The following ZNF536 variants were observed in gnomAD, a reference collection of about 807,000 sequenced individuals.
ZNF536 encodes zinc finger protein 536.
A neutral mutation model predicts 84.5 loss-of-function variants in ZNF536; 13 were observed. That is an observed-to-expected ratio of 0.15 (90% CI 0.10 to 0.24). The LOEUF (loss-of-function observed/expected upper bound fraction) is 0.24. Ranked by LOEUF, ZNF536 falls within the 10% of genes least tolerant of loss-of-function variation. The pLI is 1.00. For synonymous variants in ZNF536, 811 were observed against 742.5 expected (o/e 1.09, Z -1.50); for missense variants, 1,536 against 1,747.5 (o/e 0.88, Z 2.16).
At chr19:30,325,934 G>T (rs544841751) in intron 2 of ZNF536, among the ~76,000 whole-genome samples, 1 of 152,154 alleles carries the variant, frequency 6.6e-6, no homozygotes. Flanking sequence ...CTACTGTGGA[G>T]CCCCTCCCAC....
intron 2 of ZNF536, among the ~76,000 whole-genome samples, chr19:30,452,613 C>T (rs1373749766): frequency 6.6e-6 from 1 of 152,172 alleles, no homozygotes; most frequent in African/African-American, 2.4e-5. Context: ...GTGCAGGGAG[C>T]ATTTGGAAGC....
chr19:30,268,048 C>CCTCCCTTTCTCTCCCCCTGCCTCA (rs1159992126), intron 1 of ZNF536, among the ~76,000 whole-genome samples: 12 of 139,170 alleles, frequency 8.6e-5, no homozygotes, highest in Non-Finnish European at 1.6e-4. Context: ...CCCCCGCCTC[C>CCTCCCTTTCTCTCCCCCTGCCTCA]CTCCCTTTCT....
chr19:30,319,670 A>T (rs769400181), intron 2 of ZNF536, among the ~76,000 whole-genome samples: 1 of 152,252 alleles, frequency 6.6e-6, no homozygotes, highest in Non-Finnish European at 1.5e-5. Context: ...TGTAAATGTT[A>T]CAATCTGTAA....
rs750520715 is a variant in ZNF536, at chr19:30,549,491, G to A, written c.3872G>A (p.Cys1291Tyr). 22 of 1,514,320 alleles carry A rather than the reference G, an allele frequency of 1.5e-5. No individual in the cohort carries two copies. The highest frequency in any genetic ancestry group is 1.9e-5 in the Non-Finnish European group (22 of 1,131,746). The allele number at this position is 1,514,320 out of a possible 1,614,324, so 93.8% of individuals were successfully genotyped here. A position where few individuals can be genotyped will look rare whatever the true frequency, so the allele number is the denominator to read the frequency against. ...GCAAGTAGCACAGCAAATTCTGGAT[G>A]TATCAAGAGGCCAGACTTGTGTGGT... ...GLASSTANSG[C>Y]IKRPDLCGK Residue 1291 changes from cysteine (C) to tyrosine (Y), a missense_variant, in exon 4 of 5, where the codon TGT becomes TAT. Cys to Tyr is a radical substitution (Grantham distance 194). Around this residue, in one of 8 missense-constraint regions of ZNF536, gnomAD observed 624 missense variants for 603.1 expected, o/e 1.03. Transcript: ENST00000355537.
intron 1 of ZNF536, among the ~76,000 whole-genome samples, chr19:30,252,944 G>A (rs2024698980): frequency 6.6e-6 from 1 of 152,168 alleles, no homozygotes; most frequent in Admixed American, 6.5e-5. Context: ...TATTTTGTAG[G>A]GCTTTAAAGA....
intron 1 of ZNF536, among the ~76,000 whole-genome samples, chr19:30,699,266 C>A (rs1024509904): frequency 6.6e-6 from 1 of 152,140 alleles, no homozygotes; most frequent in African/African-American, 2.4e-5. Flanking sequence ...CACTTCTAGA[C>A]CCTCTCAGCT....
chr19:30,654,683 TACTGGGGCACTG>T (rs538922836), intron 1 of ZNF536, among the ~76,000 whole-genome samples: 17 of 152,244 alleles, frequency 1.1e-4, no homozygotes, highest in African/African-American at 3.9e-4. Flanking sequence ...GTCTCAGTGC[TACTGGGGCACTG>T]ACTGAGGCTT....
intron 1 of ZNF536, among the ~76,000 whole-genome samples, chr19:30,707,461 G>A (rs1467568100): frequency 6.6e-6 from 1 of 152,166 alleles, no homozygotes; most frequent in Non-Finnish European, 1.5e-5. Flanking sequence ...CAGCAAATGG[G>A]CAGTCACCCT....
chr19:30,540,876 C>T (rs2045301107), intron 3 of ZNF536, among the ~76,000 whole-genome samples: 1 of 152,242 alleles, frequency 6.6e-6, no homozygotes, highest in Non-Finnish European at 1.5e-5. Context: ...AAGTACTGTG[C>T]ACCCCAGCTC....
intron 2 of ZNF536, among the ~76,000 whole-genome samples, chr19:30,512,159 T>C (rs2055439223): frequency 6.6e-6 from 1 of 152,220 alleles, no homozygotes; most frequent in Non-Finnish European, 1.5e-5. Context: ...ATCACATTTT[T>C]AAAATTCAGA....
intron 2 of ZNF536, among the ~76,000 whole-genome samples, chr19:30,479,955 A>G (rs2054006221): frequency 6.6e-6 from 1 of 152,210 alleles, no homozygotes; most frequent in Non-Finnish European, 1.5e-5. Flanking sequence ...GGCTGGTTCC[A>G]AGGGAGCCCG....
At chr19:30,671,988 C>A (rs954274494) in intron 1 of ZNF536, among the ~76,000 whole-genome samples, 2 of 152,208 alleles carry the variant, frequency 1.3e-5, no homozygotes, top group South Asian at 2.1e-4. Context: ...GGAGCGTGGT[C>A]ACCGCCCTGG....
At chr19:30,704,832 C>T (rs1024453626) in intron 1 of ZNF536, among the ~76,000 whole-genome samples, 12 of 151,948 alleles carry the variant, frequency 7.9e-5, no homozygotes, top group African/African-American at 1.7e-4. Context: ...GGTGTTGTTC[C>T]ATGGGCCCCT....
chr19:30,711,516 T>A (rs1568697323), exon 2 of ZNF536: 1 of 152,216 alleles, frequency 6.6e-6, no homozygotes, highest in Non-Finnish European at 1.5e-5. Flanking sequence ...GAGCGGTCAC[T>A]GCAGAGAAAA....
chr19:30,426,212 T>C (rs1822879042), intron 1 of ZNF536, among the ~76,000 whole-genome samples: 1 of 152,242 alleles, frequency 6.6e-6, no homozygotes, highest in African/African-American at 2.4e-5. Flanking sequence ...AACCTGCTAC[T>C]GACTTTAACG....
intron 2 of ZNF536, among the ~76,000 whole-genome samples, chr19:30,292,267 A>G (rs1461000960): frequency 6.6e-6 from 1 of 151,902 alleles, no homozygotes; most frequent in Non-Finnish European, 1.5e-5. Context: ...TGCACTCCTC[A>G]CTACCATATT....
intron 1 of ZNF536, among the ~76,000 whole-genome samples, chr19:30,638,856 G>A (rs577802411): frequency 6.6e-6 from 1 of 152,296 alleles, no homozygotes; most frequent in Non-Finnish European, 1.5e-5. Flanking sequence ...TCTTCTTCCA[G>A]CTAACTCTTT....
chr19:30,515,473 C>T lies in ZNF536; in HGVS notation c.2171-19374C>T, dbSNP rs182212243. Among the ~76,000 whole-genome samples, 27 of 152,272 alleles carry T rather than the reference C, an allele frequency of 1.8e-4. No individual in the cohort carries two copies. The East Asian group carries it at 5.0e-3, about 28-fold the overall frequency. ...TTTGCTCTCCCTGGTGCATGTGAAG[C>T]GCCTTCAGGATAAAAACCTGAATCA... On this transcript the variant is annotated intron_variant, in intron 2 of 4. Transcript: ENST00000355537.
intron 2 of ZNF536, among the ~76,000 whole-genome samples, chr19:30,497,426 A>G (rs2054768896): frequency 6.6e-6 from 1 of 152,222 alleles, no homozygotes; most frequent in African/African-American, 2.4e-5. Flanking sequence ...ATCTCACTCT[A>G]TTGTTGCATG....
Sources: allele counts gnomAD v4.1 joint callset (sites outside exome capture counted in the v4.1 genomes callset), GRCh38; gene constraint gnomAD v4.1.1; regional missense constraint gnomAD v4.1.1; transcripts MANE v1.5; gene names NCBI Gene and HGNC (gene_info 2026-07-23, HGNC 2026-07-21).